CACNA2D3: variants seen among roughly 807,000 people sequenced by gnomAD.
CACNA2D3 encodes calcium voltage-gated channel auxiliary subunit alpha2delta 3, also known as voltage-dependent calcium channel subunit alpha-2/delta-3.
Under a neutral mutation model 160.6 loss-of-function variants are expected in CACNA2D3, and 60 were observed. The ratio of observed to expected loss-of-function variants is 0.37; its 90% CI spans 0.30 to 0.46. CACNA2D3 has a LOEUF of 0.46. CACNA2D3 is among the 20% of genes least tolerant of loss of function. The pLI, the probability that CACNA2D3 is intolerant of heterozygous loss-of-function variation, is 1.00. For synonymous variants in CACNA2D3, 558 were observed against 492.9 expected, an observed-to-expected ratio of 1.13 and a Z score of -1.75; for missense variants, 1,205 against 1,365.0, an observed-to-expected ratio of 0.88 and a Z score of 1.85.
Position 54,122,776 on chromosome 3 carries a change from G to A in CACNA2D3, c.63G>A (p.Ala21=). 4.1e-6 allele frequency: 5 copies of A among 1,228,710 alleles called. No homozygotes were observed. Among genetic ancestry groups the A allele is most frequent in the Non-Finnish European group, 5.1e-6 (5 of 981,890 alleles). 76.1% of individuals were successfully genotyped at this position (1,228,710 alleles called of 1,614,324 possible). ...SRGASALLAA[A]LLYAALGDVV... The stretch of plus-strand genomic sequence containing the variant: ...GGGCCTCGGCGCTTCTCGCTGCCGC[G>A]CTTCTCTACGCCGCGCTGGGGGACG... The change falls in exon 1 of 38, where the codon GCG becomes GCA. Residue 21 remains alanine (A), a synonymous_variant. Transcript: ENST00000474759.
chr3:54,973,467 C>T (rs1374546222), intron 29 of CACNA2D3, among the ~76,000 whole-genome samples: 1 of 152,184 alleles, frequency 6.6e-6, no homozygotes, highest in East Asian at 1.9e-4. Context: ...ACTTCATGAT[C>T]AAAGTCAGCT....
intron 5 of CACNA2D3, among the ~76,000 whole-genome samples, chr3:54,547,395 T>C (rs1342142859): frequency 6.6e-6 from 1 of 152,018 alleles, no homozygotes; most frequent in African/African-American, 2.4e-5. Flanking sequence ...CAAAATTGGC[T>C]CCCTCCCTGG....
At chr3:55,008,346 A>G (rs1244182833) in intron 33 of CACNA2D3, among the ~76,000 whole-genome samples, 1 of 152,192 alleles carries the variant, frequency 6.6e-6, no homozygotes, top group Admixed American at 6.5e-5. Context: ...GACTTAGATA[A>G]CACTTGAAAT....
At chr3:54,734,245 C>A (rs1701452218) in intron 11 of CACNA2D3, among the ~76,000 whole-genome samples, 1 of 152,132 alleles carries the variant, frequency 6.6e-6, no homozygotes, top group African/African-American at 2.4e-5. Context: ...GACACTAAGT[C>A]ATTCTTCTCT....
chr3:54,539,000 G>A (rs9825538), intron 5 of CACNA2D3, among the ~76,000 whole-genome samples: 5,123 of 152,202 alleles, frequency 0.034, 307 homozygotes, highest in African/African-American at 0.12. Flanking sequence ...GGTGGCTTAC[G>A]TTCACTTTTG....
At chr3:54,948,663 G>A (rs768430734) in intron 27 of CACNA2D3, among the ~76,000 whole-genome samples, 5 of 152,208 alleles carry the variant, frequency 3.3e-5, no homozygotes, top group South Asian at 2.1e-4. Flanking sequence ...ACATGAAATA[G>A]GGAAGGGCAC....
At chr3:55,005,500 A>G (rs1004105552) in intron 32 of CACNA2D3, among the ~76,000 whole-genome samples, 1 of 152,162 alleles carries the variant, frequency 6.6e-6, no homozygotes, top group Non-Finnish European at 1.5e-5. Context: ...TTAGTTTGTA[A>G]CAGAGTTGTG....
chr3:54,929,084 T>A (rs1701113230), intron 27 of CACNA2D3, among the ~76,000 whole-genome samples: 1 of 152,166 alleles, frequency 6.6e-6, no homozygotes, highest in Non-Finnish European at 1.5e-5. Flanking sequence ...CCAGGAGGTA[T>A]AATTGAGCCA....
rs575688684 is a variant in CACNA2D3 at position 54,434,760 on chromosome 3, T to C, written c.381+47986T>C. ...GTTGAGGGGATTCTTCCCCCTTTCTTATGCTTGTATTCAGTCCAGGCCAGT... is the reference window on the plus strand; with the variant it reads ...GTTGAGGGGATTCTTCCCCCTTTCTCATGCTTGTATTCAGTCCAGGCCAGT... On this transcript the variant is annotated intron_variant, in intron 4 of 37. Transcript: ENST00000474759. Among the ~76,000 whole-genome samples, 72 of 152,292 alleles carry C rather than the reference T, an allele frequency of 4.7e-4. No individual in the cohort carries two copies. In the Middle Eastern group the frequency reaches 0.014, roughly 29 times the overall value.
intron 27 of CACNA2D3, among the ~76,000 whole-genome samples, chr3:54,924,424 A>G (rs1700950076): frequency 1.3e-5 from 2 of 152,214 alleles, no homozygotes; most frequent in African/African-American, 2.4e-5. Flanking sequence ...TTGTAGATTA[A>G]TTTCGAACCT....
intron 3 of CACNA2D3, among the ~76,000 whole-genome samples, chr3:54,373,175 C>T (rs7653648): frequency 2.6e-5 from 4 of 151,938 alleles, no homozygotes; most frequent in South Asian, 2.1e-4. Flanking sequence ...CCACCAGTGT[C>T]GTATTAATCG....
intron 2 of CACNA2D3, among the ~76,000 whole-genome samples, chr3:54,194,337 A>G (rs1462244470): frequency 3.9e-5 from 6 of 152,224 alleles, no homozygotes; most frequent in Non-Finnish European, 1.5e-5. Context: ...CCTTTATCCC[A>G]TAAAATGTGT....
chr3:54,793,636 G>C (rs760678195), intron 13 of CACNA2D3, among the ~76,000 whole-genome samples: 9 of 152,138 alleles, frequency 5.9e-5, no homozygotes, highest in Non-Finnish European at 1.0e-4. Context: ...TAATGGATGA[G>C]GCCATCCCCC....
At chr3:54,755,079 T>C (rs1396392846) in intron 12 of CACNA2D3, among the ~76,000 whole-genome samples, 1 of 152,210 alleles carries the variant, frequency 6.6e-6, no homozygotes, top group Non-Finnish European at 1.5e-5. Context: ...CCCCATACCA[T>C]GCATGCCCAT....
At chr3:54,368,381 G>T (rs749575045) in intron 3 of CACNA2D3, among the ~76,000 whole-genome samples, 5 of 152,084 alleles carry the variant, frequency 3.3e-5, no homozygotes, top group Non-Finnish European at 7.3e-5. Context: ...ACTATTTTGT[G>T]CAGTCTTCAA....
rs572771495 is a variant in CACNA2D3 at position 54,448,508 on chromosome 3, C to T, written c.382-54984C>T. On this transcript the variant is annotated intron_variant, in intron 4 of 37. Transcript: ENST00000474759. ...TTCCCCCAAACGAAAGTAGGAGAGA[C>T]CTGGTTTCACCCAAAACACTGGAGG... is the stretch of plus-strand genomic sequence containing the variant. 6.6e-5 allele frequency among the ~76,000 whole-genome samples: 10 copies of T among 152,314 alleles called. No individual in the cohort carries two copies. The South Asian group carries it at 1.9e-3, about 28-fold the overall frequency.
At chr3:54,442,078 G>C (rs1700153953) in intron 4 of CACNA2D3, among the ~76,000 whole-genome samples, 1 of 152,146 alleles carries the variant, frequency 6.6e-6, no homozygotes, top group Non-Finnish European at 1.5e-5. Context: ...TAAGTAGCAA[G>C]GACTATAGAT....
intron 23 of CACNA2D3, among the ~76,000 whole-genome samples, chr3:54,886,973 T>G (rs1470777188): frequency 8.5e-6 from 1 of 118,312 alleles, no homozygotes; most frequent in Non-Finnish European, 1.6e-5. Flanking sequence ...GTGAGGACTG[T>G]CCTGTCCCAT....
chr3:54,717,550 GGT>G (rs35851414), intron 11 of CACNA2D3, among the ~76,000 whole-genome samples: 39,677 of 147,752 alleles, frequency 0.27, 5,474 homozygotes, highest in African/African-American at 0.33. Flanking sequence ...GTGCATGTGT[GGT>G]GTGTGTGTGT....
Sources: gnomAD v4.1 joint callset for allele counts (sites outside exome capture counted in the v4.1 genomes callset) on GRCh38, gnomAD v4.1.1 for gene constraint, MANE v1.5 for transcripts, NCBI Gene and HGNC (gene_info 2026-07-23, HGNC 2026-07-21) for gene names.